The following TATDN3 variants were observed in gnomAD, a reference collection of about 807,000 sequenced individuals.
TATDN3 encodes deoxyribonuclease TATDN3.
TATDN3 carries 29 observed loss-of-function variants against 40.1 expected under a neutral mutation model. The ratio of observed to expected loss-of-function variants is 0.72; its 90% CI spans 0.54 to 0.99. The LOEUF (loss-of-function observed/expected upper bound fraction) is 0.99, where lower values mean the gene tolerates loss of function less well. TATDN3 is among the 50% of genes least tolerant of loss of function. The pLI is 0.00. For missense variants in TATDN3, 309 were observed against 321.9 expected (o/e 0.96, Z 0.31); for synonymous variants, 105 against 117.0 (o/e 0.90, Z 0.66).
chr1:212,811,168 C>T (rs1299675588), intron 8 of TATDN3, among the ~76,000 whole-genome samples: 2 of 150,268 alleles, frequency 1.3e-5, no homozygotes, highest in Non-Finnish European at 3.0e-5. Flanking sequence ...TTTTTTTTTT[C>T]CACTCTGGCT....
Position 212,807,927 on chromosome 1 carries a change from A to G in TATDN3, c.600+79A>G, listed in dbSNP as rs1270530303. 5.6e-6 allele frequency: 5 copies of G among 900,640 alleles called. No homozygotes were observed. In the East Asian group the frequency reaches 1.0e-4, roughly 18 times the overall value. 55.8% of individuals were successfully genotyped at this position (900,640 alleles called of 1,614,324 possible). ...TGAGCTTTTCTTCCATACTTGTGATACTATTCTAGTTACATTACAAAAATT... is the reference window on the plus strand; with the variant it reads ...TGAGCTTTTCTTCCATACTTGTGATGCTATTCTAGTTACATTACAAAAATT... On this transcript the variant is annotated intron_variant, in intron 8 of 9. Transcript: ENST00000366974.
chr1:212,813,608 A>C, intron 9 of TATDN3, among the ~76,000 whole-genome samples: 1 of 141,534 alleles, frequency 7.1e-6, no homozygotes. Flanking sequence ...TCTGTCACCC[A>C]AGCTATAGTG....
Position 212,796,451 on chromosome 1 carries a change from T to C in TATDN3, c.100-66T>C. ...GATAACTAAAATGCAGAGAAAACTT[T>C]AAAATTTTCTATAATTTATATTAAA... is the stretch of plus-strand genomic sequence containing the variant. On this transcript the variant is annotated intron_variant, in intron 2 of 9. Transcript: ENST00000366974. 5 of 1,280,940 alleles carry C rather than the reference T, an allele frequency of 3.9e-6. 1 individual carries two copies. In the South Asian group the frequency reaches 7.9e-5, roughly 20 times the overall value. The allele number at this position is 1,280,940 out of a possible 1,614,324, so 79.3% of individuals were successfully genotyped here.
In TATDN3 at chr1:212,806,368, C is replaced by CT. The variant is rs771628190; in HGVS notation, c.488-1348dup. 1.7e-3 allele frequency among the ~76,000 whole-genome samples: 222 copies of CT among 132,494 alleles called. 1 individual carries two copies. Among genetic ancestry groups the CT allele is most frequent in the Admixed American group, 2.6e-3 (33 of 12,866 alleles). 86.9% of individuals were successfully genotyped at this position (132,494 alleles called of 152,430 possible). A position where few individuals can be genotyped will look rare whatever the true frequency, so the allele number is the denominator to read the frequency against. On this transcript the variant is annotated intron_variant, in intron 7 of 9. Coordinates refer to ENST00000366974, the MANE Select transcript of TATDN3 (RefSeq NM_001042552.3). ...TTTAAAATTGAATATTTCTCTCTCT[C>CT]TTTTTTTTTTTTTTTTTTTTGAGAC...
chr1:212,810,626 C>G (rs1279810028), intron 8 of TATDN3, among the ~76,000 whole-genome samples: 1 of 151,466 alleles, frequency 6.6e-6, no homozygotes, highest in Non-Finnish European at 1.5e-5. Flanking sequence ...GATGGAGGGT[C>G]CAGTGAGCCG....
intron 4 of TATDN3, among the ~76,000 whole-genome samples, chr1:212,800,015 A>G (rs1662073249): frequency 6.6e-6 from 1 of 152,220 alleles, no homozygotes; most frequent in African/African-American, 2.4e-5. Flanking sequence ...TAAAACAGGA[A>G]GTATGCCTCA....
At position 212,798,483 on chromosome 1, in the gene TATDN3, G is replaced by C. The variant is rs1661944268; in HGVS notation, c.258+1287G>C. The stretch of plus-strand genomic sequence containing the variant: ...AGGCCGAGATGGGAGGACCACTTGA[G>C]CTCAGGAGTTCAAGACCAGCCTGGG... On this transcript the variant is annotated intron_variant, in intron 4 of 9. Transcript: ENST00000366974. Among the ~76,000 whole-genome samples, 3 of 141,588 alleles carry C rather than the reference G, an allele frequency of 2.1e-5. No individual in the cohort carries two copies. In the Admixed American group the frequency reaches 2.3e-4, roughly 11 times the overall value. 92.9% of individuals were successfully genotyped at this position (141,588 alleles called of 152,430 possible).
At chr1:212,807,065 T>C (rs1196537490) in intron 7 of TATDN3, among the ~76,000 whole-genome samples, 2 of 151,290 alleles carry the variant, frequency 1.3e-5, no homozygotes, top group Non-Finnish European at 2.9e-5. Flanking sequence ...TGCCTCAGCC[T>C]CCCAAGTAGC....
chr1:212,812,877 T>C (rs976523701), intron 9 of TATDN3, among the ~76,000 whole-genome samples: 1 of 151,922 alleles, frequency 6.6e-6, no homozygotes, highest in Admixed American at 6.6e-5. Context: ...TGGTGGCACA[T>C]GCGCCTGTAA....
intron 4 of TATDN3, among the ~76,000 whole-genome samples, chr1:212,801,939 C>T (rs966875086): frequency 6.6e-6 from 1 of 152,180 alleles, no homozygotes; most frequent in African/African-American, 2.4e-5. Flanking sequence ...GCTTTACCTT[C>T]CTTTTCTTAA....
At chr1:212,813,508 A>G (rs1480172532) in intron 9 of TATDN3, among the ~76,000 whole-genome samples, 2 of 151,634 alleles carry the variant, frequency 1.3e-5, no homozygotes, top group African/African-American at 4.8e-5. Flanking sequence ...TGTGATTGCA[A>G]TGTGAATTTT....
chr1:212,796,500 C>CTTTT lies in TATDN3; in HGVS notation c.100-7_100-4dup. ...AATGTATATTGTTTGTAACTTTATT[C>CTTTT]TTTTTTTTTTTTTCAGGCCAATGTT... On this transcript the variant is annotated splice_polypyrimidine_tract_variant and intron_variant, in intron 2 of 9. Coordinates refer to ENST00000366974, the MANE Select transcript of TATDN3 (RefSeq NM_001042552.3). 2.0e-5 allele frequency: 26 copies of CTTTT among 1,323,556 alleles called. No individual in the cohort carries two copies. The highest frequency in any genetic ancestry group is 2.8e-4 in the Middle Eastern group (1 of 3,604). 82.0% of individuals were successfully genotyped at this position (1,323,556 alleles called of 1,614,324 possible).
intron 9 of TATDN3, 48 bp downstream of exon 9, chr1:212,812,376 T>C: frequency 1.9e-6 from 2 of 1,033,768 alleles, no homozygotes; most frequent in Admixed American, 2.5e-5. Context: ...ATCTTTCATT[T>C]GAGTTCTTTT....
chr1:212,798,515 G>GGTGA (rs149134194), intron 4 of TATDN3, among the ~76,000 whole-genome samples: 3,114 of 134,204 alleles, frequency 0.023, 57 homozygotes, highest in South Asian at 0.04. Context: ...TGGGCAACAT[G>GGTGA]GACGCTATCT....
intron 7 of TATDN3, among the ~76,000 whole-genome samples, chr1:212,806,044 ACT>A (rs1444787027): frequency 4.6e-5 from 7 of 152,044 alleles, no homozygotes; most frequent in Non-Finnish European, 7.4e-5. Flanking sequence ...ATTTGAAAAA[ACT>A]CTGTCAAATA....
At chr1:212,803,521 A>G (rs1662288045) in intron 5 of TATDN3, among the ~76,000 whole-genome samples, 1 of 152,008 alleles carries the variant, frequency 6.6e-6, no homozygotes, top group Admixed American at 6.6e-5. Context: ...AATAAATTCC[A>G]TTTTTAATTA....
chr1:212,797,070 A>G (rs767481395), intron 3 of TATDN3, 42 bp from the exon 4 acceptor site: 2 of 1,417,936 alleles, frequency 1.4e-6, no homozygotes, highest in African/African-American at 1.4e-5. Flanking sequence ...GTAATCTACT[A>G]GTCTACTGTT....
intron 9 of TATDN3, among the ~76,000 whole-genome samples, chr1:212,813,566 C>CT (rs202183479): frequency 0.14 from 18,050 of 130,902 alleles, 1,843 homozygotes; most frequent in African/African-American, 0.27. Flanking sequence ...TCTTTCTTTT[C>CT]TTTTTTTTTT....
chr1:212,791,991 T>G lies in TATDN3; in HGVS notation c.66+4T>G, dbSNP rs755872731. 6.2e-7 allele frequency: 1 copy of G among 1,613,964 alleles called. No individual in the cohort carries two copies. Among genetic ancestry groups the G allele is most frequent in the Non-Finnish European group, 8.5e-7 (1 of 1,179,906 alleles). On this transcript the variant is annotated splice_donor_region_variant and intron_variant, in intron 1 of 9. Coordinates refer to ENST00000366974, the MANE Select transcript of TATDN3 (RefSeq NM_001042552.3). ...CTCCGCCCCGGACTTTGACCGCGTATGTGAGGGCGATACGGGACCAGAGGG... is the reference window on the plus strand; with the variant it reads ...CTCCGCCCCGGACTTTGACCGCGTAGGTGAGGGCGATACGGGACCAGAGGG...
Sources: gnomAD v4.1 joint callset for allele counts (sites outside exome capture counted in the v4.1 genomes callset) on GRCh38, gnomAD v4.1.1 for gene constraint, MANE v1.5 for transcripts, NCBI Gene and HGNC (gene_info 2026-07-23, HGNC 2026-07-21) for gene names.